Variants in AKAP7 observed in about 807,000 individuals in gnomAD.
AKAP7 encodes A kinase (PRKA) anchor protein 7.
Under a neutral mutation model 39.5 loss-of-function variants are expected in AKAP7, and 39 were observed. That is an observed-to-expected ratio of 0.99 (90% CI 0.76 to 1.29). The LOEUF (loss-of-function observed/expected upper bound fraction) is 1.29. Among genes scored for constraint, AKAP7 ranks in the 50% most tolerant of loss-of-function variants. AKAP7 has a pLI of 0.00. For synonymous variants in AKAP7, 140 were observed against 139.1 expected (o/e 1.01, Z -0.05); for missense variants, 414 against 407.7 (o/e 1.02, Z -0.13).
At chr6:131,229,012 C>T (rs1021630203) in intron 7 of AKAP7, among the ~76,000 whole-genome samples, 2 of 152,164 alleles carry the variant, frequency 1.3e-5, no homozygotes, top group African/African-American at 4.8e-5. Context: ...GCTTGAGGCA[C>T]TTTTGCTGCA....
chr6:131,153,088 C>T (rs1220226817), intron 2 of AKAP7, among the ~76,000 whole-genome samples: 1 of 149,004 alleles, frequency 6.7e-6, no homozygotes, highest in Non-Finnish European at 1.5e-5. Context: ...CGAGATTGCG[C>T]CAGTGCACTC....
chr6:131,160,382 A>G (rs1802833638), intron 3 of AKAP7, among the ~76,000 whole-genome samples, 184 bp downstream of exon 3: 1 of 152,188 alleles, frequency 6.6e-6, no homozygotes, highest in Non-Finnish European at 1.5e-5. Flanking sequence ...TTTGGAAAAT[A>G]TCATTTGTTT....
intron 5 of AKAP7, chr6:131,184,954 C>T (rs978827568): frequency 2.0e-5 from 16 of 791,874 alleles, no homozygotes; most frequent in Non-Finnish European, 3.5e-5. Context: ...TACCCCTTTC[C>T]CCGATGCTTG....
upstream of AKAP7, among the ~76,000 whole-genome samples, chr6:131,133,577 G>T (rs1800374553): frequency 6.6e-6 from 1 of 152,160 alleles, no homozygotes. Flanking sequence ...AAAAATATGT[G>T]GCATTTGGGC....
intron 7 of AKAP7, among the ~76,000 whole-genome samples, chr6:131,257,458 C>A (rs1812958965): frequency 6.6e-6 from 1 of 151,192 alleles, no homozygotes. Flanking sequence ...CTTGGAATGT[C>A]AGACCTTGAA....
intron 2 of AKAP7, among the ~76,000 whole-genome samples, chr6:131,147,967 C>A (rs777628085): frequency 1.3e-5 from 2 of 152,200 alleles, no homozygotes; most frequent in Non-Finnish European, 1.5e-5. Flanking sequence ...TCTGTAGTCA[C>A]CATATTCTTA....
chr6:131,220,963 C>G (rs1031129063), intron 7 of AKAP7, among the ~76,000 whole-genome samples: 1 of 151,784 alleles, frequency 6.6e-6, no homozygotes, highest in African/African-American at 2.4e-5. Flanking sequence ...CATCTCTTAC[C>G]TTAAATCAAA....
At chr6:131,241,627 G>GTGTATATATACGTA in intron 7 of AKAP7, among the ~76,000 whole-genome samples, 1 of 86,638 alleles carries the variant, frequency 1.2e-5, no homozygotes, top group African/African-American at 5.0e-5. Context: ...GTGTGTGTGT[G>GTGTATATATACGTA]TATATATATA....
chr6:131,247,322 T>C (rs1168928428), intron 7 of AKAP7, among the ~76,000 whole-genome samples: 75 of 138,334 alleles, frequency 5.4e-4, no homozygotes, highest in Admixed American at 1.3e-3. Flanking sequence ...TATGTTTTTT[T>C]TTTCTTTTTT....
chr6:131,225,822 G>A (rs951572003), intron 7 of AKAP7, among the ~76,000 whole-genome samples: 2 of 152,140 alleles, frequency 1.3e-5, no homozygotes, highest in South Asian at 2.1e-4. Context: ...ACATGAAGTA[G>A]GGATTTAGTT....
the AKAP7 span, among the ~76,000 whole-genome samples, chr6:131,125,749 G>A: frequency 1.3e-5 from 2 of 152,210 alleles, no homozygotes; most frequent in African/African-American, 4.8e-5. Flanking sequence ...GGCTAATGAA[G>A]CAGCAGAGGG....
chr6:131,205,922 A>T (rs1425725390), intron 6 of AKAP7, among the ~76,000 whole-genome samples: 1 of 152,236 alleles, frequency 6.6e-6, no homozygotes, highest in Non-Finnish European at 1.5e-5. Context: ...TTCAGAATTT[A>T]GTTGACATAG....
chr6:131,206,849 A>G (rs1196060921), intron 6 of AKAP7, among the ~76,000 whole-genome samples: 3 of 152,048 alleles, frequency 2.0e-5, no homozygotes, highest in Admixed American at 6.6e-5. Context: ...TGGGCCTGGT[A>G]TAGTTTGACT....
intron 7 of AKAP7, among the ~76,000 whole-genome samples, chr6:131,234,023 T>C (rs1010772577): frequency 1.3e-5 from 2 of 152,174 alleles, no homozygotes; most frequent in Non-Finnish European, 2.9e-5. Flanking sequence ...AGTGAGTAAA[T>C]AGGTCTTGGT....
chr6:131,220,298 G>A (rs12215812), intron 7 of AKAP7, among the ~76,000 whole-genome samples: 17,759 of 152,144 alleles, frequency 0.12, 1,184 homozygotes, highest in Admixed American at 0.19. Flanking sequence ...GGAGGCATAA[G>A]GTTCATACAT....
At chr6:131,229,164 C>T (rs1585133546) in intron 7 of AKAP7, among the ~76,000 whole-genome samples, 1 of 152,290 alleles carries the variant, frequency 6.6e-6, no homozygotes, top group Non-Finnish European at 1.5e-5. Flanking sequence ...TGGGTGTTGA[C>T]AGGCATTTTC....
chr6:131,218,769 G>A (rs1193265613), intron 6 of AKAP7, among the ~76,000 whole-genome samples: 1 of 152,116 alleles, frequency 6.6e-6, no homozygotes, highest in Non-Finnish European at 1.5e-5. Context: ...CTGAAAGTAA[G>A]GAGGAGCAGA....
chr6:131,215,336 G>A (rs946615810), intron 6 of AKAP7, among the ~76,000 whole-genome samples: 3 of 152,226 alleles, frequency 2.0e-5, no homozygotes, highest in Non-Finnish European at 2.9e-5. Flanking sequence ...TGGGAAGGCC[G>A]CAAGGCCGTT....
At position 131,182,160 on chromosome 6, in the gene AKAP7, A is replaced by G. The variant is rs113205337; in HGVS notation, c.589+12887A>G. ...ATAATTTTTAACTATAGTAAAATACATATAATATGAAATTTACCATCTTAA... is the reference window on the plus strand; with the variant it reads ...ATAATTTTTAACTATAGTAAAATACGTATAATATGAAATTTACCATCTTAA... On this transcript the variant is annotated intron_variant, in intron 5 of 7. Transcript: ENST00000431975. Among the ~76,000 whole-genome samples the G allele has an allele frequency of 2.6e-3, 392 of 152,312 alleles. 2 individuals carry two copies. The highest frequency in any genetic ancestry group is 8.5e-3 in the African/African-American group (352 of 41,570).
Sources: gnomAD v4.1 joint callset for allele counts (sites outside exome capture counted in the v4.1 genomes callset) on GRCh38, gnomAD v4.1.1 for gene constraint, MANE v1.5 for transcripts, NCBI Gene and HGNC (gene_info 2026-07-23, HGNC 2026-07-21) for gene names.